The following ADAMTSL1 variants were observed in gnomAD, a reference collection of about 807,000 sequenced individuals.
ADAMTSL1 encodes ADAMTS-like protein 1.
Under a neutral mutation model 201.8 loss-of-function variants are expected in ADAMTSL1, and 126 were observed. The ratio of observed to expected loss-of-function variants is 0.62; its 90% CI spans 0.54 to 0.72. ADAMTSL1 has a LOEUF of 0.72. ADAMTSL1 is among the 30% of genes least tolerant of loss of function. The probability of loss-of-function intolerance (pLI) is 0.00; values close to 1 mark genes in which losing one functional copy is unlikely to be tolerated. For synonymous variants in ADAMTSL1, 1,121 were observed against 903.4 expected (o/e 1.24, Z -4.32); for missense variants, 2,679 against 2,277.8 (o/e 1.18, Z -3.59).
At chr9:18,639,503 A>G (rs1408762270) in intron 7 of ADAMTSL1, 92 bp downstream of exon 7, 3 of 1,472,610 alleles carry the variant, frequency 2.0e-6, no homozygotes, top group East Asian at 2.3e-5. Flanking sequence ...TGGTTCTGAC[A>G]TATGTTTGGA....
chr9:18,463,343 ATCGTCTTTTTTCTCT>A (rs1435203286), intron 2 of ADAMTSL1, among the ~76,000 whole-genome samples: 1 of 152,106 alleles, frequency 6.6e-6, no homozygotes, highest in Non-Finnish European at 1.5e-5. Context: ...TTTTTCTTTT[ATCGTCTTTTTTCTCT>A]TCTTTAAAAA....
chr9:18,227,318 T>C (rs1472499490), intron 2 of ADAMTSL1, among the ~76,000 whole-genome samples: 1 of 151,918 alleles, frequency 6.6e-6, no homozygotes, highest in Non-Finnish European at 1.5e-5. Flanking sequence ...AGAAATCAGA[T>C]ACCCTACCCC....
intron 1 of ADAMTSL1, among the ~76,000 whole-genome samples, chr9:18,035,107 ATTATCT>A (rs1007416312): frequency 2.2e-4 from 34 of 152,338 alleles, no homozygotes; most frequent in Non-Finnish European, 4.6e-4. Flanking sequence ...AATAATTAAA[ATTATCT>A]TTATCAAAGG....
At chr9:18,772,865 G>A (rs1009633155) in intron 17 of ADAMTSL1, among the ~76,000 whole-genome samples, 5 of 152,218 alleles carry the variant, frequency 3.3e-5, no homozygotes, top group African/African-American at 1.2e-4. Context: ...GAACTGGGAG[G>A]AGGTAGCCCT....
chr9:18,027,040 G>A (rs1820727006), intron 1 of ADAMTSL1, among the ~76,000 whole-genome samples: 1 of 150,864 alleles, frequency 6.6e-6, no homozygotes, highest in East Asian at 1.9e-4. Flanking sequence ...TATTTCTGTG[G>A]AATTGGTTGT....
At chr9:18,747,230 A>G (rs1197984043) in intron 15 of ADAMTSL1, among the ~76,000 whole-genome samples, 9 of 152,322 alleles carry the variant, frequency 5.9e-5, no homozygotes, top group East Asian at 1.9e-4. Context: ...GACTTTGGAC[A>G]GGTTACCTAA....
intron 1 of ADAMTSL1, among the ~76,000 whole-genome samples, chr9:17,986,407 T>A (rs1755292): frequency 0.9 from 136,823 of 151,904 alleles, 62,106 homozygotes; most frequent in Non-Finnish European, 0.96. Context: ...ACATACCAGA[T>A]AGAAATAGTC....
At chr9:18,562,050 C>A (rs893937091) in intron 3 of ADAMTSL1, among the ~76,000 whole-genome samples, 1 of 152,082 alleles carries the variant, frequency 6.6e-6, no homozygotes, top group Non-Finnish European at 1.5e-5. Context: ...ATGTGTGAAT[C>A]TGATCCTGTC....
At chr9:18,215,035 A>G (rs1004492428) in intron 2 of ADAMTSL1, among the ~76,000 whole-genome samples, 1 of 152,268 alleles carries the variant, frequency 6.6e-6, no homozygotes, top group South Asian at 2.1e-4. Context: ...CAACAACTAA[A>G]TTCTTTATGG....
intron 2 of ADAMTSL1, among the ~76,000 whole-genome samples, chr9:18,270,006 T>G (rs1439597427): frequency 6.6e-6 from 1 of 152,112 alleles, no homozygotes; most frequent in Non-Finnish European, 1.5e-5. Flanking sequence ...TCTACAAGAC[T>G]CCTTCCCATA....
chr9:18,841,894 C>T (rs367790429), intron 23 of ADAMTSL1, among the ~76,000 whole-genome samples: 1 of 152,090 alleles, frequency 6.6e-6, no homozygotes, highest in Non-Finnish European at 1.5e-5. Context: ...TCCCCTTTAT[C>T]ATTTTTTATT....
chr9:17,978,087 T>C (rs1249663461), intron 1 of ADAMTSL1, among the ~76,000 whole-genome samples: 1 of 152,076 alleles, frequency 6.6e-6, no homozygotes, highest in African/African-American at 2.4e-5. Flanking sequence ...GGTTTTAAAG[T>C]CCATTTTGTC....
Position 18,770,703 on chromosome 9 carries a change from A to G in ADAMTSL1, c.2319A>G (p.Ser773=). Residue 773 remains serine, a synonymous_variant, in exon 17 of 29, where the codon TCA becomes TCG. Transcript: ENST00000380548. ...TGGAGCTTCCTGAGACCTTCTGTTC[A>G]GCTTCAAAACCTGCCTGCCAGCAAG... ...SFLELPETFC[S]ASKPACQQAC... The G allele has an allele frequency of 6.2e-7, 1 of 1,613,832 alleles. No homozygotes were observed. The highest frequency in any genetic ancestry group is 1.3e-5 in the African/African-American group (1 of 75,044).
At chr9:18,398,201 A>T (rs1215692519) in intron 2 of ADAMTSL1, among the ~76,000 whole-genome samples, 2 of 152,182 alleles carry the variant, frequency 1.3e-5, no homozygotes, top group Non-Finnish European at 2.9e-5. Flanking sequence ...GTAGACTCCC[A>T]GTGAATACCC....
At chr9:18,545,344 G>C (rs1820407428) in intron 3 of ADAMTSL1, among the ~76,000 whole-genome samples, 1 of 152,126 alleles carries the variant, frequency 6.6e-6, no homozygotes, top group African/African-American at 2.4e-5. Flanking sequence ...CGAAGCACAT[G>C]CTCATTTCAC....
intron 23 of ADAMTSL1, among the ~76,000 whole-genome samples, chr9:18,866,924 G>A (rs1380278854): frequency 6.6e-6 from 1 of 152,176 alleles, no homozygotes; most frequent in Admixed American, 6.5e-5. Context: ...ATGGCTTGCT[G>A]TACATACATG....
chr9:18,203,111 C>G (rs1261921471), intron 2 of ADAMTSL1, among the ~76,000 whole-genome samples: 1 of 152,100 alleles, frequency 6.6e-6, no homozygotes, highest in Non-Finnish European at 1.5e-5. Context: ...CCAAAGCTGT[C>G]CATGAATTGC....
At chr9:18,809,261 G>T (rs745719848) in intron 20 of ADAMTSL1, among the ~76,000 whole-genome samples, 5 of 152,182 alleles carry the variant, frequency 3.3e-5, no homozygotes. Context: ...GGTTAGAAAA[G>T]GCCTCACTAG....
intron 2 of ADAMTSL1, among the ~76,000 whole-genome samples, chr9:18,284,183 C>T (rs1832909039): frequency 6.6e-6 from 1 of 150,798 alleles, no homozygotes; most frequent in Non-Finnish European, 1.5e-5. Context: ...GAGCCGAGGT[C>T]ACACCATTGC....
Sources: allele counts gnomAD v4.1 joint callset (sites outside exome capture counted in the v4.1 genomes callset), GRCh38; gene constraint gnomAD v4.1.1; transcripts MANE v1.5; gene names NCBI Gene and HGNC (gene_info 2026-07-23, HGNC 2026-07-21).